Variants in SLC22A15 observed in about 807,000 individuals in gnomAD.
SLC22A15 encodes the protein flipt 1.
Under a neutral mutation model 62.7 loss-of-function variants are expected in SLC22A15, and 45 were observed. The observed-to-expected ratio is 0.72, with a 90% CI of 0.56 to 0.92. The LOEUF (loss-of-function observed/expected upper bound fraction) is 0.92. SLC22A15 is among the 40% of genes least tolerant of loss of function. The pLI is 0.00. For missense variants in SLC22A15, 622 were observed against 665.6 expected (o/e 0.93, Z 0.72); for synonymous variants, 264 against 267.0 (o/e 0.99, Z 0.11).
At chr1:116,005,946 T>C (rs1038745746) in intron 2 of SLC22A15, among the ~76,000 whole-genome samples, 1 of 152,194 alleles carries the variant, frequency 6.6e-6, no homozygotes, top group African/African-American at 2.4e-5. Context: ...GCTATTTTAA[T>C]CAAGAATAAG....
At chr1:115,999,502 CT>C (rs71096857) in intron 2 of SLC22A15, among the ~76,000 whole-genome samples, 63,769 of 133,754 alleles carry the variant, frequency 0.48, 16,761 homozygotes, top group Non-Finnish European at 0.62. Context: ...TATTTTTGTT[CT>C]TTTTTTTTTT....
chr1:116,031,245 T>C (rs1657377880), intron 5 of SLC22A15, 121 bp from the exon 6 acceptor site: 3 of 713,348 alleles, frequency 4.2e-6, no homozygotes, highest in Admixed American at 2.5e-5. Flanking sequence ...GAGTCAAACT[T>C]TAAGTCTAAC....
At position 115,992,020 on chromosome 1, in the gene SLC22A15, T is replaced by C; in HGVS notation, c.88-11T>C. ...TCTGCAGTGTTTGGTTCTGTGTGTT[T>C]GCTCTTTCAGCTCTACGTGGCCACG... On this transcript the variant is annotated splice_polypyrimidine_tract_variant and intron_variant, in intron 1 of 11. Transcript: ENST00000369503. 1 of 1,612,234 alleles carries C rather than the reference T, an allele frequency of 6.2e-7. No individual in the cohort carries two copies. Among genetic ancestry groups the C allele is most frequent in the South Asian group, 1.1e-5 (1 of 90,970 alleles).
At chr1:116,059,808 G>A (rs1009973565) in intron 8 of SLC22A15, among the ~76,000 whole-genome samples, 1 of 152,156 alleles carries the variant, frequency 6.6e-6, no homozygotes, top group African/African-American at 2.4e-5. Context: ...TCAGTGAAAT[G>A]TGACTATATC....
chr1:116,052,665 G>A (rs114924421), intron 8 of SLC22A15, among the ~76,000 whole-genome samples: 6,681 of 152,250 alleles, frequency 0.044, 191 homozygotes, highest in African/African-American at 0.07. Flanking sequence ...CCCAGTGGGG[G>A]CAGACTGACA....
At chr1:116,061,464 G>T (rs1445169556) in intron 8 of SLC22A15, among the ~76,000 whole-genome samples, 1 of 152,148 alleles carries the variant, frequency 6.6e-6, no homozygotes, top group Non-Finnish European at 1.5e-5. Context: ...ACCTTCAAGA[G>T]TAGGAATTTC....
intron 2 of SLC22A15, among the ~76,000 whole-genome samples, chr1:116,010,149 G>C (rs1656179282): frequency 6.6e-6 from 1 of 152,188 alleles, no homozygotes; most frequent in Admixed American, 6.5e-5. Context: ...GCTGTCTGCT[G>C]TATTCAGATT....
At chr1:116,046,947 GC>G (rs1477039056) in intron 8 of SLC22A15, among the ~76,000 whole-genome samples, 4 of 152,076 alleles carry the variant, frequency 2.6e-5, no homozygotes, top group Non-Finnish European at 5.9e-5. Context: ...TGGGAGGGTG[GC>G]CTAGACCTGA....
At chr1:115,977,947 A>G (rs935223279) in intron 1 of SLC22A15, among the ~76,000 whole-genome samples, 1 of 152,206 alleles carries the variant, frequency 6.6e-6, no homozygotes, top group Non-Finnish European at 1.5e-5. Flanking sequence ...TTCTAGCCGA[A>G]CAGTTCTCAG....
chr1:116,049,457 C>T (rs1658000081), intron 8 of SLC22A15, among the ~76,000 whole-genome samples: 2 of 151,882 alleles, frequency 1.3e-5, no homozygotes, highest in Admixed American at 1.3e-4. Context: ...CCTTCAAACC[C>T]ACGCAAATAC....
chr1:116,019,640 G>A lies in SLC22A15; in HGVS notation c.359G>A (p.Ser120Asn). 1 of 1,613,342 alleles carries A rather than the reference G, an allele frequency of 6.2e-7. No individual in the cohort carries two copies. Among genetic ancestry groups the A allele is most frequent in the Non-Finnish European group, 8.5e-7 (1 of 1,179,678 alleles). Residue 120 changes from serine to asparagine, a missense_variant, in exon 3 of 12, where the codon AGT (serine) becomes AAT (asparagine). Coordinates refer to ENST00000369503, the MANE Select transcript of SLC22A15 (RefSeq NM_018420.3). ...AGTGCAGCAAGCTCTTTTTTCTTCA[G>A]TGGTGTATTTGTTGGAGTTATCTCT... ...KVSAASSFFF[S>N]GVFVGVISFG...
intron 2 of SLC22A15, among the ~76,000 whole-genome samples, chr1:116,004,903 G>T (rs1655902477): frequency 6.6e-6 from 1 of 152,098 alleles, no homozygotes; most frequent in African/African-American, 2.4e-5. Flanking sequence ...GTGGTTGTTT[G>T]TACTTTTCCA....
At chr1:116,057,337 C>G (rs9699455) in intron 8 of SLC22A15, among the ~76,000 whole-genome samples, 134,381 of 151,184 alleles carry the variant, frequency 0.89, 60,680 homozygotes, top group East Asian at 1. Context: ...CAGAGAAATG[C>G]AAATCAAAAC....
chr1:116,004,010 T>C (rs756830831), intron 2 of SLC22A15, among the ~76,000 whole-genome samples: 1 of 152,236 alleles, frequency 6.6e-6, no homozygotes, highest in Non-Finnish European at 1.5e-5. Context: ...AGCAGATCAC[T>C]GCATCCAGAC....
In SLC22A15 at chr1:115,976,724, C is replaced by T. The variant is rs900790353; in HGVS notation, c.87+10C>T. 1.3e-6 allele frequency: 2 copies of T among 1,574,746 alleles called. No homozygotes were observed. Among genetic ancestry groups the T allele is most frequent in the African/African-American group, 2.8e-5 (2 of 71,824 alleles). On this transcript the variant is annotated intron_variant, in intron 1 of 11. Transcript: ENST00000369503. Reference sequence around the variant, plus strand: ...GGCCGTGCTGCTGCAGGTAAGTCCCCGCGGCCCCGCAGCCGCATTTCCCTC... The same window carrying T: ...GGCCGTGCTGCTGCAGGTAAGTCCCTGCGGCCCCGCAGCCGCATTTCCCTC...
intron 8 of SLC22A15, among the ~76,000 whole-genome samples, chr1:116,041,013 G>C (rs1657769748): frequency 6.6e-6 from 1 of 152,236 alleles, no homozygotes; most frequent in Non-Finnish European, 1.5e-5. Flanking sequence ...GTGCAGGCCT[G>C]ATAGGACTTG....
chr1:115,978,922 C>T (rs1654460664), intron 1 of SLC22A15, among the ~76,000 whole-genome samples: 1 of 152,046 alleles, frequency 6.6e-6, no homozygotes, highest in African/African-American at 2.4e-5. Flanking sequence ...AGTTTTCGTA[C>T]CATTGCCCAA....
intron 1 of SLC22A15, among the ~76,000 whole-genome samples, chr1:115,991,768 A>G (rs1239107788): frequency 1.3e-5 from 2 of 152,270 alleles, no homozygotes; most frequent in Non-Finnish European, 2.9e-5. Flanking sequence ...TGTCTTTAGC[A>G]TCAGAAATAT....
chr1:115,985,766 G>C (rs1291652081), intron 1 of SLC22A15, among the ~76,000 whole-genome samples: 1 of 151,778 alleles, frequency 6.6e-6, no homozygotes, highest in African/African-American at 2.4e-5. Flanking sequence ...GGCCAAGATG[G>C]TGAAACCCTG....
Sources: allele counts gnomAD v4.1 joint callset (sites outside exome capture counted in the v4.1 genomes callset), GRCh38; gene constraint gnomAD v4.1.1; transcripts MANE v1.5; gene names NCBI Gene and HGNC (gene_info 2026-07-23, HGNC 2026-07-21).